DIP2A: variants seen among roughly 807,000 people sequenced by gnomAD.
The protein encoded by DIP2A is DIP2 acetate--CoA ligase A.
A neutral mutation model predicts 177.4 loss-of-function variants in DIP2A; 85 were observed. That is an observed-to-expected ratio of 0.48 (90% confidence interval 0.40 to 0.57). DIP2A has a LOEUF of 0.57. Among genes scored for constraint, DIP2A ranks in the 20% least tolerant of loss-of-function variants. The probability of loss-of-function intolerance (pLI) is 0.00; values close to 1 mark genes in which losing one functional copy is unlikely to be tolerated. For synonymous variants in DIP2A, 886 were observed against 881.8 expected, an observed-to-expected ratio of 1.00 and a Z score of -0.08; for missense variants, 1,791 against 2,100.2, an observed-to-expected ratio of 0.85 and a Z score of 2.88.
the DIP2A span, among the ~76,000 whole-genome samples, chr21:46,582,789 A>G: frequency 6.6e-6 from 1 of 152,180 alleles, no homozygotes; most frequent in Non-Finnish European, 1.5e-5. Flanking sequence ...TTTAACAACC[A>G]AGTGAATATG....
At chr21:46,491,632 G>A (rs1402320675) in intron 3 of DIP2A, among the ~76,000 whole-genome samples, 1 of 152,174 alleles carries the variant, frequency 6.6e-6, no homozygotes, top group Non-Finnish European at 1.5e-5. Flanking sequence ...TGAATCCTGA[G>A]ATGGCCGCCC....
At chr21:46,510,613 T>A (rs888711427) in intron 7 of DIP2A, among the ~76,000 whole-genome samples, 2 of 144,906 alleles carry the variant, frequency 1.4e-5, no homozygotes, top group Non-Finnish European at 3.0e-5. Flanking sequence ...CCAGGAGCTA[T>A]ATAATCAAAT....
rs1202855180 is a variant in DIP2A, at chr21:46,541,794, T to C, written c.2075T>C (p.Val692Ala). Reference protein sequence around the residue: ...DLGGPPPRKAVLSMNGLSYGV... With the variant: ...DLGGPPPRKAALSMNGLSYGV... ...GGAGGACCACCTCCAAGAAAAGCAG[T>C]CCTGTCGATGAACGGTCTAAGTTAT... The change falls in exon 18 of 38, where the codon GTC becomes GCC. Residue 692 changes from valine (V) to alanine (A), a missense_variant. Physicochemically the swap from Val to Ala is moderately conservative, Grantham distance 64 (BLOSUM62 0). Coordinates refer to ENST00000417564, the MANE Select transcript of DIP2A (RefSeq NM_015151.4). 6 of 1,613,834 alleles carry C rather than the reference T, an allele frequency of 3.7e-6. No individual in the cohort carries two copies. Among genetic ancestry groups the C allele is most frequent in the Non-Finnish European group, 5.1e-6 (6 of 1,179,888 alleles).
rs1397433984 is a variant in DIP2A at position 46,496,957 on chromosome 21, A to C, written c.284-31A>C. On this transcript the variant is annotated intron_variant, in intron 3 of 37. Transcript: ENST00000417564. ...GTTACTTTATAAACAGTCTTGTAAA[A>C]AGTATTTTTACTGCTGTCCTTCCTG... 1.9e-6 allele frequency: 3 copies of C among 1,575,250 alleles called. No individual in the cohort carries two copies. In the South Asian group the frequency reaches 3.6e-5, roughly 19 times the overall value.
intron 31 of DIP2A, 65 bp from the exon 32 acceptor site, chr21:46,558,158 A>G: frequency 6.6e-7 from 1 of 1,507,684 alleles, no homozygotes; most frequent in Non-Finnish European, 8.9e-7. Flanking sequence ...TTCCCAAAAC[A>G]GTGCCCAGGG....
intron 19 of DIP2A, 122 bp downstream of exon 19, chr21:46,545,395 G>C: frequency 3.4e-6 from 4 of 1,178,208 alleles, no homozygotes; most frequent in Non-Finnish European, 4.8e-6. Context: ...CCACACAGGC[G>C]CTGCTGGGGC....
Position 46,556,757 on chromosome 21 carries a change from T to G in DIP2A, c.3499-182T>G. On this transcript the variant is annotated intron_variant, in intron 29 of 37. Transcript: ENST00000417564. This position sits in a 1 kb window ranked among gnomAD's most constrained non-coding sequence, Gnocchi z 4.5. ...TGTTTCAAAGATTTTTAGTGTACCATTTCTTGGGTATTATTTAGGTTATAT... is the reference window on the plus strand; with the variant it reads ...TGTTTCAAAGATTTTTAGTGTACCAGTTCTTGGGTATTATTTAGGTTATAT... 2 of 556,696 alleles carry G rather than the reference T, an allele frequency of 3.6e-6. No homozygotes were observed. 34.5% of individuals were successfully genotyped at this position (556,696 alleles called of 1,614,324 possible).
At position 46,529,327 on chromosome 21, in the gene DIP2A, C is replaced by T. The variant is rs955511375; in HGVS notation, c.1194+144C>T. On this transcript the variant is annotated intron_variant, in intron 9 of 37. Transcript: ENST00000417564. ...TAAAATCAGCAGTGAGGACTGGGTG[C>T]GGTGGCTCATGCCTGTAATCCTAGC... The T allele has an allele frequency of 4.0e-5, 24 of 600,902 alleles. No individual in the cohort carries two copies. In the East Asian group the frequency reaches 6.5e-4, roughly 16 times the overall value. 37.2% of individuals were successfully genotyped at this position (600,902 alleles called of 1,614,324 possible). A position where few individuals can be genotyped will look rare whatever the true frequency, so the allele number is the denominator to read the frequency against.
chr21:46,474,054 G>C (rs568729229), intron 1 of DIP2A, among the ~76,000 whole-genome samples: 3 of 152,268 alleles, frequency 2.0e-5, no homozygotes, highest in African/African-American at 7.2e-5. Context: ...AGTAATCCAG[G>C]GCAAGAGATT....
At chr21:46,470,547 C>T (rs1380733664) in intron 1 of DIP2A, among the ~76,000 whole-genome samples, 18 of 151,260 alleles carry the variant, frequency 1.2e-4, no homozygotes, top group Admixed American at 9.9e-4. Context: ...CCGAGGTGGG[C>T]GGATCACGAA....
chr21:46,487,550 A>C (rs1048086276), intron 2 of DIP2A, among the ~76,000 whole-genome samples: 1 of 152,236 alleles, frequency 6.6e-6, no homozygotes, highest in African/African-American at 2.4e-5. Flanking sequence ...ACAAAAGATA[A>C]TCATCTTTAA....
chr21:46,538,386 G>A, intron 15 of DIP2A, 97 bp from the exon 16 acceptor site: 2 of 1,476,210 alleles, frequency 1.4e-6, no homozygotes, highest in Non-Finnish European at 1.8e-6. Flanking sequence ...GTCTGTGCAT[G>A]TACACCTCTC....
At chr21:46,554,778 C>A (rs1475638725) in intron 27 of DIP2A, 44 bp from the exon 28 acceptor site, 6 of 1,542,678 alleles carry the variant, frequency 3.9e-6, no homozygotes, top group Non-Finnish European at 4.4e-6. Flanking sequence ...TTCTGGGCAG[C>A]TTGAGAGGCC....
chr21:46,539,666 C>A, intron 16 of DIP2A: 1 of 578,748 alleles, frequency 1.7e-6, no homozygotes, highest in Admixed American at 2.6e-5. Context: ...GAGCACCAGA[C>A]CATCCATGGC....
intron 7 of DIP2A, among the ~76,000 whole-genome samples, chr21:46,511,096 G>C (rs1421800047): frequency 6.6e-6 from 1 of 152,094 alleles, no homozygotes; most frequent in Non-Finnish European, 1.5e-5. Flanking sequence ...GTGGTGCCGG[G>C]GGTAGCAGAG....
At position 46,486,256 on chromosome 21, in the gene DIP2A, G is replaced by T. The variant is rs578172413; in HGVS notation, c.163+1428G>T. ...GTCTTACTCTGTTGCTCAGGCTGGT[G>T]CACAGTGGTGTGATCATAGCTCACT... On this transcript the variant is annotated intron_variant, in intron 2 of 37. Coordinates refer to ENST00000417564, the MANE Select transcript of DIP2A (RefSeq NM_015151.4). 4.6e-5 allele frequency among the ~76,000 whole-genome samples: 7 copies of T among 152,270 alleles called. No individual in the cohort carries two copies. In the South Asian group the frequency reaches 1.0e-3, roughly 23 times the overall value.
intron 7 of DIP2A, among the ~76,000 whole-genome samples, chr21:46,510,694 G>A (rs565341173): frequency 2.7e-4 from 39 of 142,466 alleles, no homozygotes; most frequent in African/African-American, 8.9e-4. Flanking sequence ...GCAGTGGTGC[G>A]ATCTCGAATC....
rs772108195 is a variant in DIP2A at position 46,504,413 on chromosome 21, C to CT, written c.711dup (p.Glu238Ter). On this transcript the variant is annotated frameshift_variant, in exon 6 of 38. Coordinates refer to ENST00000417564, the MANE Select transcript of DIP2A (RefSeq NM_015151.4). LOFTEE classifies it high-confidence loss of function. ...CCACGGGCCTCGTGGAGCATTCGTA[C>CT]TTTGAGCGTCCACAGGTGGCTTCTG... 1 of 1,613,890 alleles carries CT rather than the reference C, an allele frequency of 6.2e-7. No individual in the cohort carries two copies. Among genetic ancestry groups the CT allele is most frequent in the Non-Finnish European group, 8.5e-7 (1 of 1,179,856 alleles).
chr21:46,513,499 G>A (rs1200471622), intron 8 of DIP2A, among the ~76,000 whole-genome samples: 1 of 152,082 alleles, frequency 6.6e-6, no homozygotes, highest in Admixed American at 6.6e-5. Flanking sequence ...TGTAGCATTA[G>A]GAGTCCTCTT....
Sources: allele counts gnomAD v4.1 joint callset (sites outside exome capture counted in the v4.1 genomes callset), GRCh38; gene constraint gnomAD v4.1.1; non-coding constraint Gnocchi (gnomAD v3.1); transcripts MANE v1.5; gene names NCBI Gene and HGNC (gene_info 2026-07-23, HGNC 2026-07-21).